The following PLEKHH2 variants were observed in gnomAD, a reference collection of about 807,000 sequenced individuals.
PLEKHH2 encodes the protein pleckstrin homology, MyTH4 and FERM domain containing H2.
A neutral mutation model predicts 187.9 loss-of-function variants in PLEKHH2; 129 were observed. The ratio of observed to expected loss-of-function variants is 0.69; its 90% CI spans 0.59 to 0.79. The LOEUF (loss-of-function observed/expected upper bound fraction) is 0.79. Ranked by LOEUF, PLEKHH2 falls within the 30% of genes least tolerant of loss-of-function variation. PLEKHH2 has a pLI of 0.00. For synonymous variants in PLEKHH2, 686 were observed against 605.6 expected, an observed-to-expected ratio of 1.13 and a Z score of -1.95; for missense variants, 2,076 against 1,751.2, an observed-to-expected ratio of 1.19 and a Z score of -3.31.
chr2:43,678,702 A>T (rs1339829106), intron 2 of PLEKHH2, among the ~76,000 whole-genome samples, 161 bp from the exon 3 acceptor site: 1 of 149,842 alleles, frequency 6.7e-6, no homozygotes, highest in Non-Finnish European at 1.5e-5. Flanking sequence ...AGACCATGGA[A>T]AGAGAGGGAG....
chr2:43,698,251 C>CT (rs34391523), intron 7 of PLEKHH2, among the ~76,000 whole-genome samples: 70,040 of 143,892 alleles, frequency 0.49, 18,798 homozygotes, highest in African/African-American at 0.73. Flanking sequence ...TTCTCTCTCT[C>CT]TTTTTTTTTT....
chr2:43,757,422 CT>C (rs564542581), intron 26 of PLEKHH2, among the ~76,000 whole-genome samples, 158 bp downstream of exon 26: 120 of 139,384 alleles, frequency 8.6e-4, no homozygotes, highest in Middle Eastern at 3.8e-3. Context: ...TTTTTTCTTT[CT>C]TTTTTTTTTT....
chr2:43,735,702 A>G (rs1371059817), intron 19 of PLEKHH2, among the ~76,000 whole-genome samples: 1 of 152,220 alleles, frequency 6.6e-6, no homozygotes, highest in East Asian at 1.9e-4. Context: ...TAATATATGC[A>G]GCTATTATGT....
At chr2:43,745,051 C>A (rs191383491) in intron 23 of PLEKHH2, among the ~76,000 whole-genome samples, 6 of 152,010 alleles carry the variant, frequency 3.9e-5, no homozygotes, top group Non-Finnish European at 7.4e-5. Flanking sequence ...TGGTGGCTCA[C>A]GCCTGTAATC....
intron 2 of PLEKHH2, among the ~76,000 whole-genome samples, chr2:43,657,273 C>G (rs1666831183): frequency 6.6e-6 from 1 of 152,092 alleles, no homozygotes; most frequent in African/African-American, 2.4e-5. Flanking sequence ...CCATCTCAGC[C>G]CTCCTAGTAG....
intron 25 of PLEKHH2, among the ~76,000 whole-genome samples, chr2:43,756,230 G>A (rs1338530086): frequency 2.0e-5 from 3 of 152,088 alleles, no homozygotes; most frequent in Non-Finnish European, 2.9e-5. Flanking sequence ...ATGAGAATAT[G>A]GTTCTTGCTC....
chr2:43,681,578 C>T (rs1668188281), intron 3 of PLEKHH2: 1 of 945,004 alleles, frequency 1.1e-6, no homozygotes, highest in African/African-American at 1.6e-5. Context: ...ACCTTCGGCA[C>T]TCATGACTAG....
intron 19 of PLEKHH2, among the ~76,000 whole-genome samples, chr2:43,733,757 T>A (rs1041062931): frequency 6.6e-6 from 1 of 152,150 alleles, no homozygotes; most frequent in Non-Finnish European, 1.5e-5. Flanking sequence ...AAAATGCTGA[T>A]AATTATTGAC....
At chr2:43,694,958 T>C (rs758712636) in intron 5 of PLEKHH2, among the ~76,000 whole-genome samples, 185 bp from the exon 6 acceptor site, 35 of 152,144 alleles carry the variant, frequency 2.3e-4, no homozygotes, top group Non-Finnish European at 4.1e-4. Context: ...TAAATATTGA[T>C]ACCATAATTA....
Position 43,640,305 on chromosome 2 carries a change from C to T in PLEKHH2, c.-4+2926C>T, listed in dbSNP as rs1175146455. Among the ~76,000 whole-genome samples, 4 of 151,668 alleles carry T rather than the reference C, an allele frequency of 2.6e-5. No homozygotes were observed. In the East Asian group the frequency reaches 7.8e-4, roughly 30 times the overall value. On this transcript the variant is annotated intron_variant, in intron 1 of 29. Transcript: ENST00000282406. ...TCACTGCTCAAGTGATCCTCCCACA[C>T]AGGGCTCCCGAGTAGCTGGGACCAC...
chr2:43,754,394 G>A (rs1386221758), intron 25 of PLEKHH2, among the ~76,000 whole-genome samples: 1 of 151,256 alleles, frequency 6.6e-6, no homozygotes, highest in African/African-American at 2.5e-5. Flanking sequence ...AGTGTTCCGG[G>A]CTTCAGGGTG....
Position 43,738,528 on chromosome 2 carries a change from T to C in PLEKHH2, c.3123+8T>C, listed in dbSNP as rs1470755281. 4.6e-5 allele frequency: 73 copies of C among 1,594,742 alleles called. No individual in the cohort carries two copies. Among genetic ancestry groups the C allele is most frequent in the Non-Finnish European group, 6.1e-5 (71 of 1,167,612 alleles). ...CAACCAGGACCATTGCAGGTAGATA[T>C]TAATATTGATACATATACATGCAAT... On this transcript the variant is annotated splice_region_variant and intron_variant, in intron 20 of 29. Transcript: ENST00000282406.
intron 2 of PLEKHH2, among the ~76,000 whole-genome samples, chr2:43,667,810 A>G (rs1667286612): frequency 1.3e-5 from 2 of 152,170 alleles, no homozygotes; most frequent in African/African-American, 2.4e-5. Flanking sequence ...ATTACTGCTA[A>G]TAGGTACAGG....
chr2:43,757,019 T>C (rs1430207458), intron 25 of PLEKHH2, 100 bp from the exon 26 acceptor site: 4 of 803,610 alleles, frequency 5.0e-6, no homozygotes, highest in East Asian at 6.2e-5. Flanking sequence ...GATTTATGTA[T>C]TATGTGTTAA....
In PLEKHH2 at chr2:43,692,810, G is replaced by A; in HGVS notation, c.336+147G>A. ...CCATAGGATTGCATCACATTTATTG[G>A]TGAAAGGTGCAAGTAAAATGGCATT... On this transcript the variant is annotated intron_variant, in intron 4 of 29. Transcript: ENST00000282406. 6 of 888,258 alleles carry A rather than the reference G, an allele frequency of 6.8e-6. No individual in the cohort carries two copies. The South Asian group carries it at 1.0e-4, about 15-fold the overall frequency. The allele number at this position is 888,258 out of a possible 1,614,324, so 55.0% of individuals were successfully genotyped here.
intron 24 of PLEKHH2, among the ~76,000 whole-genome samples, chr2:43,750,196 G>A (rs1671950434): frequency 6.6e-6 from 1 of 152,190 alleles, no homozygotes. Context: ...ATGTGGACCA[G>A]GCACCGTGGC....
At position 43,765,449 on chromosome 2, in the gene PLEKHH2, A is replaced by G. The variant is rs1366408364; in HGVS notation, c.4333A>G (p.Asn1445Asp). The change falls in exon 30 of 30, where the codon AAC (asparagine) becomes GAC (aspartate). Residue 1445 changes from asparagine (N) to aspartate (D), a missense_variant. Physicochemically the swap from Asn to Asp is conservative, Grantham distance 23 (BLOSUM62 1). Transcript: ENST00000282406. Reference protein sequence around the residue: ...EITLLIASYINNFHQQKAAFH... With the variant: ...EITLLIASYIDNFHQQKAAFH... The stretch of plus-strand genomic sequence containing the variant: ...CACTCTTTTGATCGCCAGTTACATA[A>G]ACAACTTCCATCAGCAAAAGGCAGC... 6.2e-7 allele frequency: 1 copy of G among 1,614,166 alleles called. No homozygotes were observed. Among genetic ancestry groups the G allele is most frequent in the Non-Finnish European group, 8.5e-7 (1 of 1,180,028 alleles).
intron 2 of PLEKHH2, among the ~76,000 whole-genome samples, chr2:43,678,517 G>C (rs959585700): frequency 1.3e-5 from 2 of 152,176 alleles, no homozygotes; most frequent in Non-Finnish European, 2.9e-5. Context: ...AGACCAGCCC[G>C]GCCAACACAG....
intron 11 of PLEKHH2, among the ~76,000 whole-genome samples, chr2:43,708,272 C>T (rs990551598): frequency 2.2e-4 from 34 of 152,224 alleles, no homozygotes; most frequent in Admixed American, 1.4e-3. Flanking sequence ...AGTGGCTCCT[C>T]ACAACGGCTA....
Sources: allele counts gnomAD v4.1 joint callset (sites outside exome capture counted in the v4.1 genomes callset), GRCh38; gene constraint gnomAD v4.1.1; transcripts MANE v1.5; gene names NCBI Gene and HGNC (gene_info 2026-07-23, HGNC 2026-07-21).